MTIF2: variants seen among roughly 807,000 people sequenced by gnomAD.
The protein encoded by MTIF2 is translation initiation factor IF-2, mitochondrial.
MTIF2 carries 71 observed loss-of-function variants against 83.5 expected under a neutral mutation model. The ratio of observed to expected loss-of-function variants is 0.85; its 90% CI spans 0.70 to 1.04. MTIF2 has a LOEUF of 1.04. Ranked by LOEUF, MTIF2 falls within the 50% of genes least tolerant of loss-of-function variation. MTIF2 has a pLI of 0.00. For missense variants in MTIF2, 957 were observed against 846.5 expected (o/e 1.13, Z -1.62); for synonymous variants, 319 against 287.1 (o/e 1.11, Z -1.12).
At chr2:55,262,515 A>C in intron 4 of MTIF2, 88 bp from the exon 5 acceptor site, 1 of 686,684 alleles carries the variant, frequency 1.5e-6, no homozygotes, top group East Asian at 2.9e-5. Flanking sequence ...TACCACAATC[A>C]TAGCTACATT....
chr2:55,253,593 G>A (rs529413641), intron 7 of MTIF2, among the ~76,000 whole-genome samples: 1 of 151,926 alleles, frequency 6.6e-6, no homozygotes, highest in East Asian at 1.9e-4. Flanking sequence ...GAGGCAGGCG[G>A]ACCACAAGGT....
At chr2:55,240,311 T>A in intron 13 of MTIF2, 136 bp from the exon 14 acceptor site, 1 of 804,898 alleles carries the variant, frequency 1.2e-6, no homozygotes, top group East Asian at 2.8e-5. Flanking sequence ...CCAGGTGCAG[T>A]GGCTCACGCC....
chr2:55,239,315 T>C (rs34348115), intron 14 of MTIF2, among the ~76,000 whole-genome samples: 29,265 of 152,146 alleles, frequency 0.19, 2,980 homozygotes, highest in East Asian at 0.34. Context: ...ATGGGCACTA[T>C]ATCTCAAACA....
Position 55,243,687 on chromosome 2 carries a change from T to A in MTIF2, c.1312-19A>T. 6.2e-7 allele frequency: 1 copy of A among 1,605,560 alleles called. No homozygotes were observed. Among genetic ancestry groups the A allele is most frequent in the Non-Finnish European group, 8.5e-7 (1 of 1,176,836 alleles). On this transcript the variant is annotated intron_variant, in intron 11 of 15. Coordinates refer to ENST00000263629, the MANE Select transcript of MTIF2 (RefSeq NM_002453.3). ...CCCTTGGCTTTATAGGGGAAAAACG[T>A]ATTATTTAATGAAATAGACATCAAT...
At chr2:55,261,941 CAA>C (rs5831348) in intron 5 of MTIF2, among the ~76,000 whole-genome samples, 18 of 87,140 alleles carry the variant, frequency 2.1e-4, no homozygotes, top group Non-Finnish European at 3.1e-4. Context: ...AAAAAAAAAC[CAA>C]AAAAAAAAAA....
intron 5 of MTIF2, among the ~76,000 whole-genome samples, chr2:55,256,990 C>G (rs1012633443): frequency 6.6e-6 from 1 of 152,116 alleles, no homozygotes; most frequent in Admixed American, 6.5e-5. Context: ...AGCTACTGCA[C>G]CCAAACCAAA....
chr2:55,253,808 C>CT (rs367907525), intron 7 of MTIF2, among the ~76,000 whole-genome samples: 10,613 of 27,048 alleles, frequency 0.39, 1,240 homozygotes, highest in African/African-American at 0.5. Flanking sequence ...GAGTGAGACT[C>CT]TGTCTCAAAA....
intron 7 of MTIF2, 104 bp downstream of exon 7, chr2:55,253,937 A>G: frequency 8.2e-7 from 1 of 1,226,820 alleles, no homozygotes; most frequent in Non-Finnish European, 1.1e-6. Flanking sequence ...TGCAAGCTTT[A>G]GCCTTCTCTT....
At chr2:55,241,063 T>C (rs1008915947) in intron 13 of MTIF2, among the ~76,000 whole-genome samples, 2 of 151,870 alleles carry the variant, frequency 1.3e-5, no homozygotes, top group Admixed American at 6.6e-5. Flanking sequence ...TATATTTAAC[T>C]GTAAATACTT....
At chr2:55,247,049 C>G (rs1442338632) in intron 9 of MTIF2, among the ~76,000 whole-genome samples, 1 of 152,076 alleles carries the variant, frequency 6.6e-6, no homozygotes, top group Non-Finnish European at 1.5e-5. Context: ...AAAAAAATCA[C>G]CTCACTTCCC....
At chr2:55,263,508 G>C in intron 4 of MTIF2, 132 bp downstream of exon 4, 1 of 645,104 alleles carries the variant, frequency 1.6e-6, no homozygotes, top group Non-Finnish European at 2.6e-6. Context: ...TACTCAGGAG[G>C]CTGAGGCAGG....
At chr2:55,254,601 T>A (rs1677370507) in intron 6 of MTIF2, 53 bp downstream of exon 6, 1 of 1,371,488 alleles carries the variant, frequency 7.3e-7, no homozygotes, top group Non-Finnish European at 9.7e-7. Context: ...AAAGTGTAAA[T>A]ATAACTATGT....
At chr2:55,243,370 A>G in intron 12 of MTIF2, 46 bp downstream of exon 12, 1 of 1,501,362 alleles carries the variant, frequency 6.7e-7, no homozygotes, top group Non-Finnish European at 9.0e-7. Context: ...ATAAAAAAAC[A>G]TATATTCAAA....
chr2:55,264,845 C>A (rs776990446), intron 3 of MTIF2, among the ~76,000 whole-genome samples: 161 of 152,214 alleles, frequency 1.1e-3, no homozygotes, highest in Middle Eastern at 3.4e-3. Context: ...TAATATAGTT[C>A]TTTTCCTCCC....
At chr2:55,239,717 T>C (rs1224452614) in intron 14 of MTIF2, among the ~76,000 whole-genome samples, 1 of 152,196 alleles carries the variant, frequency 6.6e-6, no homozygotes, top group African/African-American at 2.4e-5. Flanking sequence ...TAATAATCTT[T>C]ATGCGTTCAA....
intron 8 of MTIF2, among the ~76,000 whole-genome samples, chr2:55,249,754 G>A (rs921149168): frequency 6.6e-6 from 1 of 152,006 alleles, no homozygotes; most frequent in Non-Finnish European, 1.5e-5. Flanking sequence ...ATAATTATAA[G>A]CAGATTCTGA....
intron 5 of MTIF2, among the ~76,000 whole-genome samples, chr2:55,256,515 G>A (rs978600593): frequency 6.6e-6 from 1 of 151,916 alleles, no homozygotes; most frequent in African/African-American, 2.4e-5. Context: ...AGACCAGCCT[G>A]GCCAATATGG....
At chr2:55,261,781 A>C (rs1210831274) in intron 5 of MTIF2, among the ~76,000 whole-genome samples, 1 of 151,796 alleles carries the variant, frequency 6.6e-6, no homozygotes, top group Non-Finnish European at 1.5e-5. Context: ...TCTACAAAAA[A>C]TAAAAAATTA....
At chr2:55,239,721 C>T (rs957797214) in intron 14 of MTIF2, among the ~76,000 whole-genome samples, 6 of 152,036 alleles carry the variant, frequency 3.9e-5, no homozygotes, top group African/African-American at 1.2e-4. Flanking sequence ...AATCTTTATG[C>T]GTTCAATAGT....
Sources: allele counts gnomAD v4.1 joint callset (sites outside exome capture counted in the v4.1 genomes callset), GRCh38; gene constraint gnomAD v4.1.1; transcripts MANE v1.5; gene names NCBI Gene and HGNC (gene_info 2026-07-23, HGNC 2026-07-21).